KLHL29: variants seen among roughly 807,000 people sequenced by gnomAD.
KLHL29 encodes the protein kelch-like protein 29.
In KLHL29, 21 loss-of-function variants were observed where a neutral mutation model predicts 80.4. That is an observed-to-expected ratio of 0.26 (90% confidence interval 0.19 to 0.38). The LOEUF (loss-of-function observed/expected upper bound fraction) is 0.38, where lower values mean the gene tolerates loss of function less well. Ranked by LOEUF, KLHL29 falls within the 10% of genes least tolerant of loss-of-function variation. The pLI, the probability that KLHL29 is intolerant of heterozygous loss-of-function variation, is 1.00. For missense variants in KLHL29, 867 were observed against 1,223.9 expected (o/e 0.71, Z 4.35); for synonymous variants, 511 against 526.8 (o/e 0.97, Z 0.41).
intron 1 of KLHL29, among the ~76,000 whole-genome samples, chr2:23,446,504 G>A (rs563643770): frequency 8.5e-5 from 13 of 152,296 alleles, no homozygotes; most frequent in African/African-American, 2.6e-4. Flanking sequence ...GGAGTGGCAC[G>A]TCTATTCCTG....
rs748860 is a variant in KLHL29 at position 23,532,078 on chromosome 2, C to A, written c.-45-30074C>A. On this transcript the variant is annotated intron_variant, in intron 2 of 13. Coordinates refer to ENST00000486442, the MANE Select transcript of KLHL29 (RefSeq NM_052920.2). The stretch of plus-strand genomic sequence containing the variant: ...CTCAAATAAGTCAGCAGCCTTTCCA[C>A]TGGGCCTATTCCACAACGACCCCCC... Among the ~76,000 whole-genome samples the A allele has an allele frequency of 2.0e-5, 3 of 151,958 alleles. No individual in the cohort carries two copies. The East Asian group carries it at 5.8e-4, about 30-fold the overall frequency.
intron 2 of KLHL29, among the ~76,000 whole-genome samples, chr2:23,508,218 G>A (rs75041550): frequency 8.5e-5 from 13 of 152,332 alleles, no homozygotes; most frequent in Non-Finnish European, 1.6e-4. Context: ...GTAAGCAACC[G>A]TCTTACTACT....
rs1415574265 is a variant in KLHL29 at position 23,403,522 on chromosome 2, A to G, written c.-154+17742A>G. On this transcript the variant is annotated intron_variant, in intron 1 of 13. Coordinates refer to ENST00000486442, the MANE Select transcript of KLHL29 (RefSeq NM_052920.2). ...GCTTCAAACCTTAAAAGCATACCTT[A>G]TTGAATGCCAGTGCCAGCATTCTCA... Among the ~76,000 whole-genome samples the G allele has an allele frequency of 3.3e-5, 5 of 152,224 alleles. No homozygotes were observed. The East Asian group carries it at 7.7e-4, about 23-fold the overall frequency.
At chr2:23,550,061 G>C (rs973302659) in intron 2 of KLHL29, among the ~76,000 whole-genome samples, 2 of 152,114 alleles carry the variant, frequency 1.3e-5, no homozygotes, top group African/African-American at 4.8e-5. Context: ...TGCCCCCCAG[G>C]GTGTTTTTCC....
intron 1 of KLHL29, among the ~76,000 whole-genome samples, chr2:23,434,854 G>A (rs1329455860): frequency 6.6e-6 from 1 of 152,160 alleles, no homozygotes; most frequent in Admixed American, 6.5e-5. Flanking sequence ...AGCATCGTGT[G>A]GTCGAGGCAG....
At chr2:23,506,247 T>A (rs893310819) in intron 2 of KLHL29, among the ~76,000 whole-genome samples, 1 of 152,202 alleles carries the variant, frequency 6.6e-6, no homozygotes, top group Non-Finnish European at 1.5e-5. Flanking sequence ...TCACAGGTCA[T>A]CCGCTAGACA....
intron 2 of KLHL29, among the ~76,000 whole-genome samples, chr2:23,520,739 C>G (rs1252810918): frequency 6.6e-6 from 1 of 152,204 alleles, no homozygotes; most frequent in Non-Finnish European, 1.5e-5. Flanking sequence ...TAAGGTGACT[C>G]TTTCATACAT....
chr2:23,499,771 G>A (rs1272244964), intron 2 of KLHL29, among the ~76,000 whole-genome samples: 1 of 152,190 alleles, frequency 6.6e-6, no homozygotes, highest in African/African-American at 2.4e-5. Flanking sequence ...GGGAGGAGTG[G>A]GGCGGAACAG....
At chr2:23,445,605 G>C (rs1663651587) in intron 1 of KLHL29, among the ~76,000 whole-genome samples, 1 of 152,208 alleles carries the variant, frequency 6.6e-6, no homozygotes, top group Non-Finnish European at 1.5e-5. Flanking sequence ...TTTCGTACAT[G>C]TGAAGGCATA....
At chr2:23,612,150 A>AG (rs1377629099) in intron 3 of KLHL29, among the ~76,000 whole-genome samples, 1 of 152,246 alleles carries the variant, frequency 6.6e-6, no homozygotes, top group Non-Finnish European at 1.5e-5. Context: ...ACACTTTACA[A>AG]GCAGGATAAA....
chr2:23,516,939 CAG>C (rs1665950909), intron 2 of KLHL29, among the ~76,000 whole-genome samples: 1 of 152,236 alleles, frequency 6.6e-6, no homozygotes, highest in African/African-American at 2.4e-5. Context: ...TCTCTGAAGA[CAG>C]GGGAGGCAGC....
chr2:23,613,763 C>CAAAAAAAAAA lies in KLHL29; in HGVS notation c.286-25358_286-25349dup, dbSNP rs1157736706. 5.7e-3 allele frequency among the ~76,000 whole-genome samples: 365 copies of CAAAAAAAAAA among 63,690 alleles called. 38 individuals carry two copies. Among genetic ancestry groups the CAAAAAAAAAA allele is most frequent in the Middle Eastern group, 0.011 (1 of 92 alleles). The allele number at this position is 63,690 out of a possible 152,430, so 41.8% of individuals were successfully genotyped here. A position where few individuals can be genotyped will look rare whatever the true frequency, so the allele number is the denominator to read the frequency against. ...TGGGCGGCAGGGCAAGACTCCATCT[C>CAAAAAAAAAA]AAAAAAAAAAAAAAAAAAAAAAAAA... On this transcript the variant is annotated intron_variant, in intron 3 of 13. Coordinates refer to ENST00000486442, the MANE Select transcript of KLHL29 (RefSeq NM_052920.2).
chr2:23,550,396 C>G (rs765501098), intron 2 of KLHL29, among the ~76,000 whole-genome samples: 8 of 152,112 alleles, frequency 5.3e-5, no homozygotes, highest in Non-Finnish European at 1.2e-4. Flanking sequence ...GAGATGGAGA[C>G]CAGAAAGGTG....
intron 2 of KLHL29, among the ~76,000 whole-genome samples, chr2:23,515,684 A>G (rs1434355354): frequency 6.6e-6 from 1 of 152,268 alleles, no homozygotes; most frequent in Admixed American, 6.5e-5. Flanking sequence ...GAGGATCTAA[A>G]TGGAACTGGC....
At chr2:23,545,196 C>T (rs1666950525) in intron 2 of KLHL29, among the ~76,000 whole-genome samples, 2 of 152,098 alleles carry the variant, frequency 1.3e-5, no homozygotes, top group South Asian at 2.1e-4. Context: ...GAGTGAGAGA[C>T]GAAAGGTCTG....
At chr2:23,536,208 G>A (rs957670514) in intron 2 of KLHL29, among the ~76,000 whole-genome samples, 1 of 152,220 alleles carries the variant, frequency 6.6e-6, no homozygotes, top group Non-Finnish European at 1.5e-5. Flanking sequence ...TTTCCCATCT[G>A]ACTCTCTCGG....
At chr2:23,561,471 A>G (rs1667446345) in intron 2 of KLHL29, among the ~76,000 whole-genome samples, 2 of 152,148 alleles carry the variant, frequency 1.3e-5, no homozygotes, top group Admixed American at 1.3e-4. Flanking sequence ...AGATCAAATC[A>G]TAGGGCTGTG....
chr2:23,649,725 G>A (rs1056647457), intron 5 of KLHL29, among the ~76,000 whole-genome samples: 4 of 152,248 alleles, frequency 2.6e-5, no homozygotes, highest in African/African-American at 7.2e-5. Context: ...CTGCCGATGG[G>A]GATGAGAGGG....
intron 3 of KLHL29, among the ~76,000 whole-genome samples, chr2:23,578,580 C>G (rs182931549): frequency 6.6e-6 from 1 of 152,326 alleles, no homozygotes; most frequent in Admixed American, 6.5e-5. Context: ...CTGCCTGTCT[C>G]TTTCCCTCTA....
Sources: allele counts gnomAD v4.1 joint callset (sites outside exome capture counted in the v4.1 genomes callset), GRCh38; gene constraint gnomAD v4.1.1; transcripts MANE v1.5; gene names NCBI Gene and HGNC (gene_info 2026-07-23, HGNC 2026-07-21).